FBRSL1: variants seen among roughly 807,000 people sequenced by gnomAD.
The protein encoded by FBRSL1 is fibrosin-1-like protein.
A neutral mutation model predicts 89.6 loss-of-function variants in FBRSL1; 51 were observed. That is an observed-to-expected ratio of 0.57 (90% CI 0.45 to 0.72). The LOEUF is 0.72. Ranked by LOEUF, FBRSL1 falls within the 30% of genes least tolerant of loss-of-function variation. The pLI is 0.00. For synonymous variants in FBRSL1, 779 were observed against 681.1 expected (o/e 1.14, Z -2.24); for missense variants, 1,618 against 1,451.8 (o/e 1.11, Z -1.86).
intron 4 of FBRSL1, among the ~76,000 whole-genome samples, chr12:132,532,743 A>G (rs1178414780): frequency 1.3e-5 from 2 of 152,220 alleles, no homozygotes; most frequent in African/African-American, 4.8e-5. Flanking sequence ...GGGCCAGGCC[A>G]GCCGAAGCAG....
chr12:132,581,707 C>G (rs1374029980), intron 16 of FBRSL1, 34 bp from the exon 17 acceptor site: 4 of 1,548,000 alleles, frequency 2.6e-6, no homozygotes, highest in Non-Finnish European at 3.5e-6. Context: ...GCCCACGCCT[C>G]ACAGACCTCT....
At chr12:132,517,642 G>A (rs536575617) in intron 2 of FBRSL1, among the ~76,000 whole-genome samples, 126 of 152,360 alleles carry the variant, frequency 8.3e-4, no homozygotes, top group Non-Finnish European at 1.2e-3. Context: ...TCAGGGAAGA[G>A]CGCTCTGGGT....
intron 3 of FBRSL1, among the ~76,000 whole-genome samples, chr12:132,526,953 G>A (rs2035836575): frequency 6.6e-6 from 1 of 152,168 alleles, no homozygotes; most frequent in Non-Finnish European, 1.5e-5. Context: ...ACTCGAGCCA[G>A]AGGGATCCAA....
In FBRSL1 at chr12:132,583,626, C is replaced by T. The variant is rs1375781541; in HGVS notation, c.2857C>T (p.Leu953Phe). 3 of 995,614 alleles carry T rather than the reference C, an allele frequency of 3.0e-6. No homozygotes were observed. Among genetic ancestry groups the T allele is most frequent in the Non-Finnish European group, 3.6e-6 (3 of 837,462 alleles). 61.7% of individuals were successfully genotyped at this position (995,614 alleles called of 1,614,324 possible). A position where few individuals can be genotyped will look rare whatever the true frequency, so the allele number is the denominator to read the frequency against. Residue 953 changes from leucine (L) to phenylalanine (F), a missense_variant, in exon 19 of 19, where the codon CTC (leucine) becomes TTC (phenylalanine). Leu to Phe is a conservative substitution (Grantham distance 22). Coordinates refer to ENST00000680143, the MANE Select transcript of FBRSL1 (RefSeq NM_001367871.1). ...LARTPPAAAA[L>F]GAPPPLVTAA... is the part of the protein sequence containing the mutation. ...GCGGACCCCGCCCGCCGCCGCCGCC[C>T]TCGGCGCACCGCCCCCCCTGGTGAC...
intron 5 of FBRSL1, chr12:132,552,588 G>A (rs1313173068): frequency 1.2e-5 from 2 of 161,222 alleles, no homozygotes; most frequent in African/African-American, 2.5e-5. Flanking sequence ...GGACAGGCTG[G>A]AGGCCCCTGC....
Position 132,570,126 on chromosome 12 carries a change from ACCCCGCAGCCGCCAC to A in FBRSL1, c.903_917del (p.Pro302_Pro306del), listed in dbSNP as rs763269521. ...GGAACCCCCCGCCCCGCACCGCCAC[ACCCCGCAGCCGCCAC>A]CCCCGCAGCCCCGCGGCCTGCTCCC... On this transcript the variant is annotated inframe_deletion, in exon 7 of 19. Coordinates refer to ENST00000680143, the MANE Select transcript of FBRSL1 (RefSeq NM_001367871.1). 26 of 1,473,292 alleles carry A rather than the reference ACCCCGCAGCCGCCAC, an allele frequency of 1.8e-5. No individual in the cohort carries two copies. Among genetic ancestry groups the A allele is most frequent in the Admixed American group, 2.5e-5 (1 of 40,056 alleles). 91.3% of individuals were successfully genotyped at this position (1,473,292 alleles called of 1,614,324 possible). A position where few individuals can be genotyped will look rare whatever the true frequency, so the allele number is the denominator to read the frequency against.
Position 132,547,989 on chromosome 12 carries a change from C to T in FBRSL1, c.616-14C>T. 1.3e-6 allele frequency: 2 copies of T among 1,549,940 alleles called. No homozygotes were observed. The highest frequency in any genetic ancestry group is 1.7e-4 in the Middle Eastern group (1 of 5,972). ...GTGGGGCCCCGACTCACTTCTGTCT[C>T]TCTGTCCCTGCAGTGTGACAGCGAG... On this transcript the variant is annotated splice_polypyrimidine_tract_variant and intron_variant, in intron 4 of 18. Transcript: ENST00000680143.
At chr12:132,577,404 T>A (rs1053624858) in intron 15 of FBRSL1, among the ~76,000 whole-genome samples, 5 of 152,194 alleles carry the variant, frequency 3.3e-5, no homozygotes, top group African/African-American at 1.2e-4. Flanking sequence ...GGCCTCTCGC[T>A]GAACAGTAGG....
At chr12:132,519,519 T>G (rs1322508575) in intron 2 of FBRSL1, among the ~76,000 whole-genome samples, 2 of 152,204 alleles carry the variant, frequency 1.3e-5, no homozygotes, top group Non-Finnish European at 2.9e-5. Flanking sequence ...GGCTATGCAG[T>G]CTCATACAGC....
At chr12:132,530,054 T>C (rs910184128) in intron 4 of FBRSL1, among the ~76,000 whole-genome samples, 5 of 152,148 alleles carry the variant, frequency 3.3e-5, no homozygotes, top group African/African-American at 1.2e-4. Context: ...CCCATTGTCA[T>C]GAGTATGATG....
At chr12:132,527,236 G>T (rs1000158483) in intron 3 of FBRSL1, among the ~76,000 whole-genome samples, 4 of 152,190 alleles carry the variant, frequency 2.6e-5, no homozygotes, top group Non-Finnish European at 5.9e-5. Context: ...TGGCGGGTGG[G>T]CACGGAGGGA....
intron 2 of FBRSL1, among the ~76,000 whole-genome samples, chr12:132,521,404 G>T (rs1453659002): frequency 6.6e-6 from 1 of 152,228 alleles, no homozygotes; most frequent in Non-Finnish European, 1.5e-5. Flanking sequence ...ACTAGGGGGT[G>T]TGGGGGCCTG....
chr12:132,519,874 C>T (rs1242329033), intron 2 of FBRSL1, among the ~76,000 whole-genome samples: 1 of 146,634 alleles, frequency 6.8e-6, no homozygotes, highest in East Asian at 2.0e-4. Context: ...CACCACTGCA[C>T]TCCAGCCTGG....
In FBRSL1 at chr12:132,539,142, C is replaced by T. The variant is rs577173479; in HGVS notation, c.616-8861C>T. On this transcript the variant is annotated intron_variant, in intron 4 of 18. Transcript: ENST00000680143. ...CCGCATCCCCACACACTGCCCGGCC[C>T]CCACCCCTCGGGCTCCATGGCAGCT... 3.3e-5 allele frequency among the ~76,000 whole-genome samples: 5 copies of T among 152,202 alleles called. No homozygotes were observed. In the South Asian group the frequency reaches 8.3e-4, roughly 25 times the overall value.
chr12:132,584,354 A>G lies in FBRSL1; in HGVS notation c.*576A>G, dbSNP rs2040995927. The stretch of plus-strand genomic sequence containing the variant: ...AATTTCTTTTTTGGTTTGTTTTTTT[A>G]AAAGCAAACGAAACGTGTAAATAGT... On this transcript the variant is annotated 3_prime_UTR_variant, in exon 19 of 19. Coordinates refer to ENST00000680143, the MANE Select transcript of FBRSL1 (RefSeq NM_001367871.1). 6.6e-6 allele frequency: 1 copy of G among 152,146 alleles called. No homozygotes were observed. Among genetic ancestry groups the G allele is most frequent in the Non-Finnish European group, 1.5e-5 (1 of 68,034 alleles). The allele number at this position is 152,146 out of a possible 1,614,324, so 9.4% of individuals were successfully genotyped here. A position where few individuals can be genotyped will look rare whatever the true frequency, so the allele number is the denominator to read the frequency against.
intron 9 of FBRSL1, 58 bp from the exon 10 acceptor site, chr12:132,572,229 CG>C: frequency 1.3e-6 from 2 of 1,504,016 alleles, no homozygotes. Context: ...GGGCGGGGCC[CG>C]GGGCCCAGCA....
chr12:132,524,383 A>G (rs949850788), intron 2 of FBRSL1, among the ~76,000 whole-genome samples: 1 of 152,242 alleles, frequency 6.6e-6, no homozygotes, highest in African/African-American at 2.4e-5. Flanking sequence ...ATTTGACCTC[A>G]GGGGCCTGGG....
chr12:132,568,184 C>T (rs973287941), intron 6 of FBRSL1, among the ~76,000 whole-genome samples: 3 of 152,238 alleles, frequency 2.0e-5, no homozygotes, highest in Admixed American at 6.5e-5. Flanking sequence ...CTGGGATTCC[C>T]ACACCAAGGC....
rs149581718 is a variant in FBRSL1, at chr12:132,556,244, A to G, written c.645+8212A>G. Among the ~76,000 whole-genome samples the G allele has an allele frequency of 5.5e-3, 843 of 152,218 alleles. 7 individuals are homozygous for G. Among genetic ancestry groups the G allele is most frequent in the African/African-American group, 0.019 (802 of 41,530 alleles). Reference sequence around the variant, plus strand: ...CCGGGCTCCCCCTGATGCTGCCCTCAGGCCTTGGGGGTCTGGCCTACCCCT... The same window carrying G: ...CCGGGCTCCCCCTGATGCTGCCCTCGGGCCTTGGGGGTCTGGCCTACCCCT... On this transcript the variant is annotated intron_variant, in intron 5 of 18. Transcript: ENST00000680143.
Sources: allele counts gnomAD v4.1 joint callset (sites outside exome capture counted in the v4.1 genomes callset), GRCh38; gene constraint gnomAD v4.1.1; transcripts MANE v1.5; gene names NCBI Gene and HGNC (gene_info 2026-07-23, HGNC 2026-07-21).